The following LRRC4C variants were observed in gnomAD, a reference collection of about 807,000 sequenced individuals.
LRRC4C encodes the protein leucine rich repeat containing 4C, also known as leucine-rich repeat-containing protein 4C.
Under a neutral mutation model 33.6 loss-of-function variants are expected in LRRC4C, and 5 were observed. The observed-to-expected ratio is 0.15, with a 90% confidence interval of 0.08 to 0.31. The LOEUF (loss-of-function observed/expected upper bound fraction) is 0.31. LRRC4C is among the 10% of genes least tolerant of loss of function. The pLI, the probability that LRRC4C is intolerant of heterozygous loss-of-function variation, is 1.00. For synonymous variants in LRRC4C, 329 were observed against 302.0 expected, an observed-to-expected ratio of 1.09 and a Z score of -0.93; for missense variants, 560 against 796.7, an observed-to-expected ratio of 0.70 and a Z score of 3.58.
chr11:41,162,345 G>A (rs1177322157), intron 1 of LRRC4C, among the ~76,000 whole-genome samples: 6 of 152,106 alleles, frequency 3.9e-5, no homozygotes, highest in South Asian at 2.1e-4. Context: ...CCTTATTTCC[G>A]ATGAGTTCAG....
chr11:40,506,774 A>G (rs999396191), intron 3 of LRRC4C, among the ~76,000 whole-genome samples: 1 of 152,140 alleles, frequency 6.6e-6, no homozygotes, highest in African/African-American at 2.4e-5. Flanking sequence ...CATTGGCACA[A>G]CAATAGGCTA....
chr11:41,114,614 C>A (rs1452501664), intron 1 of LRRC4C, among the ~76,000 whole-genome samples: 1 of 152,006 alleles, frequency 6.6e-6, no homozygotes, highest in Non-Finnish European at 1.5e-5. Flanking sequence ...CTTTTTTACA[C>A]ATCTCTAAAT....
intron 3 of LRRC4C, among the ~76,000 whole-genome samples, chr11:40,495,830 T>TG: frequency 4.3e-5 from 2 of 46,700 alleles, no homozygotes; most frequent in Middle Eastern, 9.8e-3. Context: ...TTTTTTTTTT[T>TG]TTTTTTTTTT....
intron 5 of LRRC4C, among the ~76,000 whole-genome samples, chr11:40,174,638 T>G (rs1168015742): frequency 6.6e-6 from 1 of 152,188 alleles, no homozygotes; most frequent in East Asian, 1.9e-4. Context: ...TTTATGTTTG[T>G]TTGGTTTTTT....
At chr11:40,708,922 T>G (rs1946319278) in intron 2 of LRRC4C, among the ~76,000 whole-genome samples, 1 of 152,212 alleles carries the variant, frequency 6.6e-6, no homozygotes, top group Admixed American at 6.5e-5. Flanking sequence ...ATATTCAGGA[T>G]AGTTAGCTCT....
chr11:40,471,059 G>A (rs1952907489), intron 3 of LRRC4C, among the ~76,000 whole-genome samples: 1 of 152,104 alleles, frequency 6.6e-6, no homozygotes, highest in Non-Finnish European at 1.5e-5. Context: ...TCCTTGAGAA[G>A]AGCAATCCCA....
chr11:40,977,587 G>C (rs1852178030), intron 1 of LRRC4C, among the ~76,000 whole-genome samples: 2 of 151,966 alleles, frequency 1.3e-5, no homozygotes, highest in African/African-American at 4.8e-5. Context: ...AGTTGAGATA[G>C]AAAAAAACTC....
At chr11:40,172,145 C>T (rs1860099491) in intron 5 of LRRC4C, among the ~76,000 whole-genome samples, 2 of 152,124 alleles carry the variant, frequency 1.3e-5, no homozygotes. Context: ...CCATCTATTG[C>T]CATCTATCAG....
At chr11:40,809,859 T>G (rs557600931) in intron 2 of LRRC4C, among the ~76,000 whole-genome samples, 172 of 152,324 alleles carry the variant, frequency 1.1e-3, no homozygotes, top group Non-Finnish European at 1.8e-3. Context: ...GACCTCATTT[T>G]GACTTTCATT....
chr11:40,745,248 G>A (rs35549338), intron 2 of LRRC4C, among the ~76,000 whole-genome samples: 29,265 of 152,122 alleles, frequency 0.19, 2,945 homozygotes, highest in Non-Finnish European at 0.21. Context: ...TCTAAAAGAG[G>A]TGAACTATCT....
chr11:40,931,368 G>A (rs761190705), intron 2 of LRRC4C, among the ~76,000 whole-genome samples: 7 of 151,986 alleles, frequency 4.6e-5, no homozygotes, highest in East Asian at 1.9e-4. Flanking sequence ...ATGACTATTC[G>A]TTTATATAGT....
intron 1 of LRRC4C, among the ~76,000 whole-genome samples, chr11:41,366,199 C>CAGACAGATAGATAGAT (rs1269124005): frequency 1.3e-5 from 2 of 148,684 alleles, no homozygotes; most frequent in African/African-American, 5.0e-5. Context: ...GATAGATAGA[C>CAGACAGATAGATAGAT]AGATAGATAG....
At chr11:40,589,111 T>G (rs1958909365) in intron 3 of LRRC4C, among the ~76,000 whole-genome samples, 1 of 152,172 alleles carries the variant, frequency 6.6e-6, no homozygotes, top group African/African-American at 2.4e-5. Context: ...TGCGGGAGTC[T>G]AAGTCTCTTT....
intron 2 of LRRC4C, among the ~76,000 whole-genome samples, chr11:40,696,748 G>GTGTATA (rs368234307): frequency 0.31 from 38,866 of 125,616 alleles, 6,707 homozygotes; most frequent in East Asian, 0.4. Flanking sequence ...TATACACTGT[G>GTGTATA]TATATATATA....
At position 41,342,588 on chromosome 11, in the gene LRRC4C, G is replaced by A. The variant is rs143182708; in HGVS notation, c.-496+116843C>T. 2.0e-4 allele frequency among the ~76,000 whole-genome samples: 31 copies of A among 152,114 alleles called. 1 individual carries two copies. Among genetic ancestry groups the A allele is most frequent in the Admixed American group, 9.8e-4 (15 of 15,268 alleles). On this transcript the variant is annotated intron_variant, in intron 1 of 6. Coordinates refer to ENST00000528697, the MANE Select transcript of LRRC4C (RefSeq NM_001258419.2). Reference sequence around the variant, plus strand: ...ACATTAGCCGGGTGTGGTGGTGTGCGCCTGTAATTCCAGATACTCAGGAGG... The same window carrying A: ...ACATTAGCCGGGTGTGGTGGTGTGCACCTGTAATTCCAGATACTCAGGAGG...
intron 1 of LRRC4C, among the ~76,000 whole-genome samples, chr11:41,237,806 T>G (rs1022766181): frequency 1.3e-5 from 2 of 152,170 alleles, no homozygotes; most frequent in Admixed American, 6.5e-5. Flanking sequence ...CTCCTATTTA[T>G]CACTTCTCTG....
At position 41,300,011 on chromosome 11, in the gene LRRC4C, G is replaced by A. The variant is rs192614720; in HGVS notation, c.-496+159420C>T. ...TTTCCAAGAACATCATGAGTATACA[G>A]TCATTAGAGCAGCTTGTATATAAAG... On this transcript the variant is annotated intron_variant, in intron 1 of 6. Transcript: ENST00000528697. Among the ~76,000 whole-genome samples, 5 of 152,224 alleles carry A rather than the reference G, an allele frequency of 3.3e-5. No homozygotes were observed. In the East Asian group the frequency reaches 9.7e-4, roughly 29 times the overall value.
chr11:40,352,476 A>G (rs1947457195), intron 3 of LRRC4C, among the ~76,000 whole-genome samples: 1 of 151,856 alleles, frequency 6.6e-6, no homozygotes, highest in South Asian at 2.1e-4. Context: ...TATTATTATT[A>G]TACTTTAAGT....
At chr11:41,167,730 C>T (rs2136074445) in intron 1 of LRRC4C, among the ~76,000 whole-genome samples, 1 of 152,302 alleles carries the variant, frequency 6.6e-6, no homozygotes, top group East Asian at 1.9e-4. Context: ...CTGTCCATCT[C>T]TCATCTCAAT....
Sources: gnomAD v4.1 joint callset for allele counts (sites outside exome capture counted in the v4.1 genomes callset) on GRCh38, gnomAD v4.1.1 for gene constraint, MANE v1.5 for transcripts, NCBI Gene and HGNC (gene_info 2026-07-23, HGNC 2026-07-21) for gene names.